The following PUS7L variants were observed in gnomAD, a reference collection of about 807,000 sequenced individuals.
PUS7L encodes the protein pseudouridine synthase 7 like.
A neutral mutation model predicts 51.1 loss-of-function variants in PUS7L; 49 were observed. The ratio of observed to expected loss-of-function variants is 0.96; its 90% CI spans 0.76 to 1.22. The LOEUF (loss-of-function observed/expected upper bound fraction) is 1.22, where lower values mean the gene tolerates loss of function less well. Among genes scored for constraint, PUS7L ranks in the 50% most tolerant of loss-of-function variants. The probability of loss-of-function intolerance (pLI) is 0.00; values close to 1 mark genes in which losing one functional copy is unlikely to be tolerated. For synonymous variants in PUS7L, 277 were observed against 276.2 expected, an observed-to-expected ratio of 1.00 and a Z score of -0.03; for missense variants, 828 against 820.6, an observed-to-expected ratio of 1.01 and a Z score of -0.11.
Position 43,731,687 on chromosome 12 carries a change from A to AT in PUS7L, c.1779+17dup. On this transcript the variant is annotated intron_variant, in intron 8 of 8. Transcript: ENST00000344862. ...CTACACTTAGATCTAAGTGATAGTA[A>AT]TTTTTAAGCAAATTTACCTGATGTA... 1 of 1,481,878 alleles carries AT rather than the reference A, an allele frequency of 6.7e-7. No individual in the cohort carries two copies. The highest frequency in any genetic ancestry group is 9.3e-7 in the Non-Finnish European group (1 of 1,074,504). 91.8% of individuals were successfully genotyped at this position (1,481,878 alleles called of 1,614,324 possible). A position where few individuals can be genotyped will look rare whatever the true frequency, so the allele number is the denominator to read the frequency against.
chr12:43,754,322 A>G lies in PUS7L; in HGVS notation c.910+14T>C. 1.3e-6 allele frequency: 2 copies of G among 1,496,870 alleles called. No homozygotes were observed. Among genetic ancestry groups the G allele is most frequent in the Non-Finnish European group, 9.1e-7 (1 of 1,101,938 alleles). The allele number at this position is 1,496,870 out of a possible 1,614,324, so 92.7% of individuals were successfully genotyped here. A position where few individuals can be genotyped will look rare whatever the true frequency, so the allele number is the denominator to read the frequency against. ...AGCTTATCCAAGAAAATGGATGATGATTTATTAAATTACCTGTATATATAA... is the reference window on the plus strand; with the variant it reads ...AGCTTATCCAAGAAAATGGATGATGGTTTATTAAATTACCTGTATATATAA... On this transcript the variant is annotated intron_variant, in intron 2 of 8. Transcript: ENST00000344862.
At chr12:43,753,773 G>C (rs1213131973) in intron 2 of PUS7L, among the ~76,000 whole-genome samples, 2 of 152,100 alleles carry the variant, frequency 1.3e-5, no homozygotes, top group Non-Finnish European at 2.9e-5. Flanking sequence ...AACTGAGAAT[G>C]GAGCTCTGAA....
chr12:43,736,354 G>C, intron 7 of PUS7L, 27 bp downstream of exon 7: 1 of 1,599,018 alleles, frequency 6.3e-7, no homozygotes, highest in Non-Finnish European at 8.5e-7. Flanking sequence ...AACTACTCTT[G>C]GAAAACTCTG....
At chr12:43,742,883 C>T (rs529582874) in intron 4 of PUS7L, among the ~76,000 whole-genome samples, 1 of 152,266 alleles carries the variant, frequency 6.6e-6, no homozygotes, top group South Asian at 2.1e-4. Context: ...AGTTGATCAC[C>T]TAGTACCAAG....
intron 1 of PUS7L, among the ~76,000 whole-genome samples, chr12:43,756,922 A>G: frequency 6.6e-6 from 1 of 152,210 alleles, no homozygotes; most frequent in Non-Finnish European, 1.5e-5. Flanking sequence ...CACATTTGCA[A>G]TAAAATCCAA....
At chr12:43,735,482 A>G (rs1321051954) in intron 7 of PUS7L, among the ~76,000 whole-genome samples, 1 of 152,074 alleles carries the variant, frequency 6.6e-6, no homozygotes, top group Non-Finnish European at 1.5e-5. Flanking sequence ...TATGAATCAT[A>G]TTTAGATAAA....
intron 5 of PUS7L, among the ~76,000 whole-genome samples, chr12:43,741,664 T>A (rs1292875673): frequency 9.2e-5 from 14 of 152,174 alleles, no homozygotes; most frequent in Admixed American, 9.2e-4. Context: ...GTTGCTAAAA[T>A]CTCCTTTGAA....
rs557883449 is a variant in PUS7L at position 43,735,122 on chromosome 12, T to C, written c.1725+1259A>G. ...CGAGGTCAGGAGATCGAGACCATCC[T>C]GGCTAACATGGTGAAACCCAGTCTC... is the stretch of plus-strand genomic sequence containing the variant. On this transcript the variant is annotated intron_variant, in intron 7 of 8. Coordinates refer to ENST00000344862, the MANE Select transcript of PUS7L (RefSeq NM_031292.5). Among the ~76,000 whole-genome samples, 6 of 152,022 alleles carry C rather than the reference T, an allele frequency of 3.9e-5. No individual in the cohort carries two copies. The South Asian group carries it at 1.2e-3, about 32-fold the overall frequency.
In PUS7L at chr12:43,744,933, T is replaced by A. The variant is rs190547446; in HGVS notation, c.1263+1113A>T. 2.0e-4 allele frequency among the ~76,000 whole-genome samples: 30 copies of A among 152,336 alleles called. No homozygotes were observed. In the East Asian group the frequency reaches 5.2e-3, roughly 26 times the overall value. ...ATGGGTGAAATTTTTTGAAAGCTCCTCAGGTTGAGAACTACTCATCTAGAT... is the reference window on the plus strand; with the variant it reads ...ATGGGTGAAATTTTTTGAAAGCTCCACAGGTTGAGAACTACTCATCTAGAT... On this transcript the variant is annotated intron_variant, in intron 4 of 8. Coordinates refer to ENST00000344862, the MANE Select transcript of PUS7L (RefSeq NM_031292.5).
chr12:43,742,365 T>G, intron 5 of PUS7L, 92 bp downstream of exon 5: 1 of 835,864 alleles, frequency 1.2e-6, no homozygotes. Context: ...TTACATGCAT[T>G]TATATGCTAG....
rs1944449106 is a variant in PUS7L at position 43,725,938 on chromosome 12, T to C, written c.*4438A>G. On this transcript the variant is annotated 3_prime_UTR_variant, in exon 9 of 9. Transcript: ENST00000344862. ...AGATACTCAGAAAATGTTAGTTAAA[T>C]CAAAAGTTACATGACTTTCAGTTTT... 6.6e-6 allele frequency: 1 copy of C among 151,954 alleles called. No individual in the cohort carries two copies. The highest frequency in any genetic ancestry group is 1.5e-5 in the Non-Finnish European group (1 of 67,978). The allele number at this position is 151,954 out of a possible 1,614,324, so 9.4% of individuals were successfully genotyped here.
At chr12:43,748,732 G>A in intron 2 of PUS7L, 123 bp from the exon 3 acceptor site, 1 of 879,618 alleles carries the variant, frequency 1.1e-6, no homozygotes. Flanking sequence ...TGTTGTTGTT[G>A]TTGTTGTTTT....
intron 1 of PUS7L, among the ~76,000 whole-genome samples, chr12:43,757,105 TG>T (rs1938754746): frequency 6.6e-6 from 1 of 152,226 alleles, no homozygotes; most frequent in African/African-American, 2.4e-5. Context: ...ATCATATAGC[TG>T]CATCTTTTAG....
intron 2 of PUS7L, among the ~76,000 whole-genome samples, chr12:43,749,412 T>C (rs1008283436): frequency 4.6e-5 from 7 of 152,196 alleles, no homozygotes; most frequent in South Asian, 2.1e-4. Flanking sequence ...AGCTGGGTAC[T>C]GTGGATCATG....
At position 43,746,126 on chromosome 12, in the gene PUS7L, C is replaced by A. The variant is rs751578301; in HGVS notation, c.1183G>T (p.Val395Phe). 7.9e-6 allele frequency: 12 copies of A among 1,512,984 alleles called. No homozygotes were observed. The highest frequency in any genetic ancestry group is 1.1e-5 in the South Asian group (1 of 87,426). 93.7% of individuals were successfully genotyped at this position (1,512,984 alleles called of 1,614,324 possible). The change falls in exon 4 of 9, where the codon GTC (valine) becomes TTC (phenylalanine). Residue 395 changes from valine (V) to phenylalanine (F), a missense_variant. By Grantham distance (50) the Val-to-Phe change is conservative. Coordinates refer to ENST00000344862, the MANE Select transcript of PUS7L (RefSeq NM_031292.5). ...GQLKGNHFDI[V>F]IRNLKKQIND... ...ATTTGTTTTTTTAAATTTCTAATGA[C>A]AATATCAAAGTGATTTCCTTTGAGC...
At chr12:43,742,955 G>A (rs919915982) in intron 4 of PUS7L, among the ~76,000 whole-genome samples, 4 of 152,102 alleles carry the variant, frequency 2.6e-5, no homozygotes, top group African/African-American at 4.8e-5. Context: ...TGGAGATGTC[G>A]GGAGTCAAGA....
rs370476566 is a variant in PUS7L at position 43,730,754 on chromosome 12, T to C, written c.1780-52A>G. 448 of 1,209,424 alleles carry C rather than the reference T, an allele frequency of 3.7e-4. 1 individual carries two copies. Among genetic ancestry groups the C allele is most frequent in the Non-Finnish European group, 4.9e-4 (413 of 849,500 alleles). 74.9% of individuals were successfully genotyped at this position (1,209,424 alleles called of 1,614,324 possible). On this transcript the variant is annotated intron_variant, in intron 8 of 8. Transcript: ENST00000344862. Reference sequence around the variant, plus strand: ...TGAAAATAGCCTTCAAAAAGATACATGATCATATTTTTAATGTACTTTTAT... The same window carrying C: ...TGAAAATAGCCTTCAAAAAGATACACGATCATATTTTTAATGTACTTTTAT...
intron 1 of PUS7L, chr12:43,758,417 G>A (rs1938966440): frequency 1.0e-6 from 1 of 985,496 alleles, no homozygotes; most frequent in Non-Finnish European, 1.2e-6. Context: ...CGTTGGCGGA[G>A]GAGGGATCCT....
Position 43,722,803 on chromosome 12 carries a change from G to A in PUS7L, c.*7573C>T, listed in dbSNP as rs1944412649. 6.6e-6 allele frequency: 1 copy of A among 152,054 alleles called. No individual in the cohort carries two copies. The highest frequency in any genetic ancestry group is 2.4e-5 in the African/African-American group (1 of 41,414). The allele number at this position is 152,054 out of a possible 1,614,324, so 9.4% of individuals were successfully genotyped here. ...ATTGTACTGAAAAACTCAGAATCCT[G>A]ACTTAACTAGTCTAAGGAAATGCCA... On this transcript the variant is annotated 3_prime_UTR_variant, in exon 9 of 9. Coordinates refer to ENST00000344862, the MANE Select transcript of PUS7L (RefSeq NM_031292.5).
Sources: gnomAD v4.1 joint callset for allele counts (sites outside exome capture counted in the v4.1 genomes callset) on GRCh38, gnomAD v4.1.1 for gene constraint, MANE v1.5 for transcripts, NCBI Gene and HGNC (gene_info 2026-07-23, HGNC 2026-07-21) for gene names.